Variants in PM20D2 observed in about 807,000 individuals in gnomAD.
PM20D2 encodes xaa-Arg dipeptidase.
PM20D2 carries 33 observed loss-of-function variants against 42.9 expected under a neutral mutation model. The ratio of observed to expected loss-of-function variants is 0.77; its 90% CI spans 0.58 to 1.03. PM20D2 has a LOEUF of 1.03. Ranked by LOEUF, PM20D2 falls within the 50% of genes least tolerant of loss-of-function variation. The probability of loss-of-function intolerance (pLI) is 0.00; values close to 1 mark genes in which losing one functional copy is unlikely to be tolerated. For missense variants in PM20D2, 548 were observed against 557.0 expected (o/e 0.98, Z 0.16); for synonymous variants, 250 against 228.2 (o/e 1.10, Z -0.86).
In PM20D2 at chr6:89,165,293, C is replaced by T. The variant is rs1336667162; in HGVS notation, c.*3030C>T. On this transcript the variant is annotated 3_prime_UTR_variant, in exon 7 of 7. Transcript: ENST00000275072. Reference sequence around the variant, plus strand: ...ACACAATACTAACCTTTAAAACTATCAAATTTTTGTTATAAGATAAATGTT... The same window carrying T: ...ACACAATACTAACCTTTAAAACTATTAAATTTTTGTTATAAGATAAATGTT... 5.3e-5 allele frequency: 8 copies of T among 151,996 alleles called. No individual in the cohort carries two copies. Among genetic ancestry groups the T allele is most frequent in the African/African-American group, 1.9e-4 (8 of 41,398 alleles). 9.4% of individuals were successfully genotyped at this position (151,996 alleles called of 1,614,324 possible).
At chr6:89,159,459 T>C (rs1004363609) in intron 5 of PM20D2, among the ~76,000 whole-genome samples, 8 of 152,166 alleles carry the variant, frequency 5.3e-5, no homozygotes, top group Non-Finnish European at 1.5e-5. Flanking sequence ...TAGAAATTCA[T>C]GAATTGTCTG....
chr6:89,116,138 T>C, the PM20D2 span, among the ~76,000 whole-genome samples: 1 of 152,244 alleles, frequency 6.6e-6, no homozygotes, highest in Admixed American at 6.5e-5. Context: ...TTTGCTATTC[T>C]ATTTCTATTT....
intron 5 of PM20D2, among the ~76,000 whole-genome samples, chr6:89,160,551 A>G (rs1325150394): frequency 6.6e-6 from 1 of 152,232 alleles, no homozygotes; most frequent in Admixed American, 6.5e-5. Flanking sequence ...TTGAGTGAAC[A>G]TAAGGCTTTG....
chr6:89,104,939 C>T, the PM20D2 span, among the ~76,000 whole-genome samples: 2 of 151,964 alleles, frequency 1.3e-5, no homozygotes, highest in Admixed American at 6.6e-5. Context: ...ACCTGTAGTA[C>T]CCGCTACTTG....
At chr6:89,109,670 C>T in the PM20D2 span, among the ~76,000 whole-genome samples, 1 of 152,200 alleles carries the variant, frequency 6.6e-6, no homozygotes, top group Admixed American at 6.5e-5. Context: ...TCAAAAGAGC[C>T]AATTCCCATT....
the PM20D2 span, among the ~76,000 whole-genome samples, chr6:89,130,016 G>T: frequency 8.6e-5 from 13 of 151,740 alleles, no homozygotes; most frequent in South Asian, 2.7e-3. Flanking sequence ...GATTACAGCC[G>T]TGAGCCACTG....
chr6:89,114,922 G>A, the PM20D2 span, among the ~76,000 whole-genome samples: 8 of 151,668 alleles, frequency 5.3e-5, no homozygotes, highest in African/African-American at 1.7e-4. Context: ...TCCGCCTCCC[G>A]AGTAGCTGGG....
chr6:89,162,401 G>A lies in PM20D2; in HGVS notation c.*138G>A, dbSNP rs1771276301. Reference sequence around the variant, plus strand: ...CTGATAAGTGAGGACAGGGTGTGGAGAAAACATATTAATTACCTCATATCT... The same window carrying A: ...CTGATAAGTGAGGACAGGGTGTGGAAAAAACATATTAATTACCTCATATCT... On this transcript the variant is annotated 3_prime_UTR_variant, in exon 7 of 7. Coordinates refer to ENST00000275072, the MANE Select transcript of PM20D2 (RefSeq NM_001010853.3). The A allele has an allele frequency of 1.1e-6, 1 of 900,312 alleles. No individual in the cohort carries two copies. Among genetic ancestry groups the A allele is most frequent in the African/African-American group, 1.7e-5 (1 of 59,122 alleles). The allele number at this position is 900,312 out of a possible 1,614,324, so 55.8% of individuals were successfully genotyped here. A position where few individuals can be genotyped will look rare whatever the true frequency, so the allele number is the denominator to read the frequency against.
the PM20D2 span, chr6:89,098,307 C>T: frequency 1.0e-5 from 3 of 300,558 alleles, no homozygotes; most frequent in Non-Finnish European, 1.8e-5. Flanking sequence ...CCAGTTTACT[C>T]ATTTCCCTTG....
At chr6:89,099,366 A>T in the PM20D2 span, among the ~76,000 whole-genome samples, 8 of 140,432 alleles carry the variant, frequency 5.7e-5, no homozygotes, top group East Asian at 1.1e-3. Flanking sequence ...GTATTAGACT[A>T]ATCTTCCCAT....
chr6:89,156,050 A>AT (rs964100759), intron 4 of PM20D2, among the ~76,000 whole-genome samples: 9 of 151,862 alleles, frequency 5.9e-5, no homozygotes, highest in African/African-American at 2.2e-4. Flanking sequence ...ACACCCAGCT[A>AT]TTTTTTTGTA....
intron 1 of PM20D2, 129 bp downstream of exon 1, chr6:89,146,738 G>A: frequency 2.8e-6 from 2 of 717,466 alleles, no homozygotes; most frequent in Non-Finnish European, 4.1e-6. Context: ...GTGTGGGACC[G>A]CGCTAAACCT....
intron 2 of PM20D2, among the ~76,000 whole-genome samples, chr6:89,151,159 A>AAAT (rs1165865923): frequency 2.8e-4 from 43 of 151,126 alleles, no homozygotes; most frequent in Middle Eastern, 3.2e-3. Context: ...ATCTCAAAAA[A>AAAT]AAAGAAAAAA....
chr6:89,139,674 C>CTCTG, the PM20D2 span, among the ~76,000 whole-genome samples: 1 of 152,148 alleles, frequency 6.6e-6, no homozygotes, highest in African/African-American at 2.4e-5. Flanking sequence ...CGCCCCTGCA[C>CTCTG]TCTGGCCCGC....
intron 6 of PM20D2, 87 bp downstream of exon 6, chr6:89,161,977 C>A: frequency 6.8e-7 from 1 of 1,476,664 alleles, no homozygotes; most frequent in Non-Finnish European, 9.4e-7. Context: ...TATTTCACTA[C>A]ATAACATCAC....
intron 2 of PM20D2, 76 bp downstream of exon 2, chr6:89,149,489 G>T (rs757409762): frequency 2.0e-6 from 3 of 1,473,920 alleles, no homozygotes; most frequent in African/African-American, 1.4e-5. Context: ...AACCAGAGAC[G>T]AAAACTCCAC....
At chr6:89,113,604 A>T in the PM20D2 span, among the ~76,000 whole-genome samples, 1 of 152,090 alleles carries the variant, frequency 6.6e-6, no homozygotes, top group Non-Finnish European at 1.5e-5. Context: ...CCACCGTGCC[A>T]GGCCCCAAAG....
the PM20D2 span, among the ~76,000 whole-genome samples, chr6:89,118,264 G>T: frequency 6.6e-6 from 1 of 152,184 alleles, no homozygotes; most frequent in African/African-American, 2.4e-5. Context: ...GGGGGCTTGA[G>T]GCCGCGGCGG....
the PM20D2 span, among the ~76,000 whole-genome samples, chr6:89,120,982 TTCTTA>T: frequency 2.0e-5 from 3 of 152,364 alleles, no homozygotes; most frequent in African/African-American, 7.2e-5. Context: ...ACTTGCTTTC[TTCTTA>T]TCTTTTAGTA....
Sources: gnomAD v4.1 joint callset for allele counts (sites outside exome capture counted in the v4.1 genomes callset) on GRCh38, gnomAD v4.1.1 for gene constraint, MANE v1.5 for transcripts, NCBI Gene and HGNC (gene_info 2026-07-23, HGNC 2026-07-21) for gene names.